PCM1: variants seen among roughly 807,000 people sequenced by gnomAD.
PCM1 encodes pericentriolar material 1, also known as pericentriolar material 1 protein.
PCM1 carries 157 observed loss-of-function variants against 241.9 expected under a neutral mutation model. The observed-to-expected ratio is 0.65, with a 90% CI of 0.57 to 0.74. The LOEUF (loss-of-function observed/expected upper bound fraction) is 0.74. Among genes scored for constraint, PCM1 ranks in the 30% least tolerant of loss-of-function variants. The pLI is 0.00. For synonymous variants in PCM1, 1,085 were observed against 784.9 expected (o/e 1.38, Z -6.39); for missense variants, 3,478 against 2,360.1 (o/e 1.47, Z -9.81).
In PCM1 at chr8:17,984,373, A is replaced by G. The variant is rs147267171; in HGVS notation, c.4109-1074A>G. 1.3e-3 allele frequency among the ~76,000 whole-genome samples: 199 copies of G among 152,104 alleles called. 1 individual carries two copies. Among genetic ancestry groups the G allele is most frequent in the African/African-American group, 4.6e-3 (190 of 41,558 alleles). ...ATAATTTTGGTTCCTGCTTATTATA[A>G]TAAGTGTCATTTTTGTGATAGTTCA... On this transcript the variant is annotated intron_variant, in intron 24 of 38. Coordinates refer to ENST00000325083, the MANE Select transcript of PCM1 (RefSeq NM_006197.4).
At chr8:17,990,032 G>C in intron 27 of PCM1, 53 bp downstream of exon 27, 1 of 1,407,684 alleles carries the variant, frequency 7.1e-7, no homozygotes, top group South Asian at 1.6e-5. Context: ...ATCTGGTCCA[G>C]TCTTTGAATT....
chr8:17,963,072 A>G, intron 16 of PCM1, 29 bp from the exon 17 acceptor site: 3 of 1,530,302 alleles, frequency 2.0e-6, no homozygotes, highest in Non-Finnish European at 2.7e-6. Flanking sequence ...CCAAATATTT[A>G]TTTAACTCTG....
At chr8:17,952,675 T>C (rs935367258) in intron 8 of PCM1, among the ~76,000 whole-genome samples, 2 of 151,694 alleles carry the variant, frequency 1.3e-5, no homozygotes, top group Non-Finnish European at 2.9e-5. Context: ...GTGTAGATTA[T>C]GTGCAGATAC....
At chr8:17,923,559 G>C (rs746499566) in intron 1 of PCM1, among the ~76,000 whole-genome samples, 1 of 152,144 alleles carries the variant, frequency 6.6e-6, no homozygotes, top group Non-Finnish European at 1.5e-5. Context: ...GGTGCTAGGG[G>C]CACTGGGTCG....
At chr8:18,003,498 C>T (rs949420606) in intron 29 of PCM1, among the ~76,000 whole-genome samples, 23 of 152,280 alleles carry the variant, frequency 1.5e-4, no homozygotes, top group African/African-American at 5.5e-4. Flanking sequence ...TTTCAGGAGC[C>T]AGCCCAAATG....
In PCM1 at chr8:18,027,657, A is replaced by C; in HGVS notation, c.6070A>C (p.Ile2024Leu). The change falls in exon 39 of 39, where the codon ATA (isoleucine) becomes CTA (leucine). Residue 2024 changes from isoleucine to leucine, a missense_variant. Coordinates refer to ENST00000325083, the MANE Select transcript of PCM1 (RefSeq NM_006197.4). ...KEPETVGAQS[I>L] ...TTCAGAAACGGTGGGAGCCCAGAGT[A>C]TATGAGATGTCTTCAGAGGCTCATC... 6.3e-7 allele frequency: 1 copy of C among 1,589,316 alleles called. No homozygotes were observed. The highest frequency in any genetic ancestry group is 8.6e-7 in the Non-Finnish European group (1 of 1,162,578).
At chr8:17,974,286 TA>T (rs2077880514) in intron 23 of PCM1, among the ~76,000 whole-genome samples, 1 of 152,222 alleles carries the variant, frequency 6.6e-6, no homozygotes, top group South Asian at 2.1e-4. Context: ...ACAGGGCCGT[TA>T]GGCAACTCAG....
intron 36 of PCM1, among the ~76,000 whole-genome samples, chr8:18,018,881 C>CAT (rs1230192867): frequency 2.6e-4 from 11 of 41,870 alleles, no homozygotes; most frequent in African/African-American, 9.3e-4. Context: ...TATATATATA[C>CAT]ACACACATAT....
At position 17,962,109 on chromosome 8, in the gene PCM1, C is replaced by T; in HGVS notation, c.2398C>T (p.Gln800Ter). 6.2e-7 allele frequency: 1 copy of T among 1,610,860 alleles called. No homozygotes were observed. Among genetic ancestry groups the T allele is most frequent in the Non-Finnish European group, 8.5e-7 (1 of 1,178,030 alleles). The change falls in exon 16 of 39, where the codon CAA (glutamine) becomes TAA (stop). Residue 800 changes from glutamine (Q) to a stop codon, truncating the protein, a stop_gained. Coordinates refer to ENST00000325083, the MANE Select transcript of PCM1 (RefSeq NM_006197.4). LOFTEE classifies it high-confidence loss of function. Reference sequence around the variant, plus strand: ...TGTTACTTCAACCCCAACTGTTAATCAACACGAGACCAGTACAAGCAAATC... The same window carrying T: ...TGTTACTTCAACCCCAACTGTTAATTAACACGAGACCAGTACAAGCAAATC... Reference protein sequence around the residue: ...PAVTSTPTVNQHETSTSKSVF... With the variant: ...PAVTSTPTVN
In PCM1 at chr8:18,024,254, T is replaced by C. The variant is rs546069344; in HGVS notation, c.5842-1107T>C. ...GAGAGTGCAGGCCTGTGGTCCTAGC[T>C]ACTCAGGAGGCTGAGGCGGGAGGAT... On this transcript the variant is annotated intron_variant, in intron 36 of 38. Coordinates refer to ENST00000325083, the MANE Select transcript of PCM1 (RefSeq NM_006197.4). Among the ~76,000 whole-genome samples the C allele has an allele frequency of 2.6e-5, 4 of 152,298 alleles. No homozygotes were observed. In the South Asian group the frequency reaches 8.3e-4, roughly 32 times the overall value.
At chr8:18,017,296 C>T (rs1420705009) in intron 36 of PCM1, among the ~76,000 whole-genome samples, 8 of 152,104 alleles carry the variant, frequency 5.3e-5, no homozygotes, top group South Asian at 2.1e-4. Flanking sequence ...GTATTTCCTG[C>T]GGGAACTGAA....
intron 33 of PCM1, 141 bp from the exon 34 acceptor site, chr8:18,011,526 T>C (rs2092507213): frequency 1.9e-6 from 2 of 1,075,300 alleles, no homozygotes; most frequent in Admixed American, 6.2e-5. Flanking sequence ...CTTTCTGCAC[T>C]GTAAGTTTTT....
At chr8:17,941,163 T>G (rs763615382) in intron 6 of PCM1, among the ~76,000 whole-genome samples, 3 of 152,200 alleles carry the variant, frequency 2.0e-5, no homozygotes, top group Non-Finnish European at 2.9e-5. Context: ...GGGAAATTCT[T>G]TTTCTATTTA....
intron 13 of PCM1, among the ~76,000 whole-genome samples, chr8:17,958,419 T>C (rs1466096476): frequency 1.3e-5 from 2 of 152,180 alleles, no homozygotes; most frequent in African/African-American, 4.8e-5. Flanking sequence ...CAATTAACTA[T>C]AATGTACAAT....
Position 17,935,584 on chromosome 8 carries a change from C to A in PCM1, c.-22-5C>A. ...ATAAAGCTCAGTTCTTAACTTGTTT[C>A]GCAGAGAGTTAATTGTTAAATCCAG... is the stretch of plus-strand genomic sequence containing the variant. On this transcript the variant is annotated splice_region_variant and splice_polypyrimidine_tract_variant and intron_variant, in intron 2 of 38. Transcript: ENST00000325083. The A allele has an allele frequency of 5.1e-6, 5 of 980,368 alleles. No individual in the cohort carries two copies. The highest frequency in any genetic ancestry group is 8.2e-6 in the Non-Finnish European group (5 of 607,852). The allele number at this position is 980,368 out of a possible 1,614,324, so 60.7% of individuals were successfully genotyped here.
chr8:17,941,915 T>A (rs992479897), intron 6 of PCM1, among the ~76,000 whole-genome samples: 1 of 152,220 alleles, frequency 6.6e-6, no homozygotes, highest in African/African-American at 2.4e-5. Context: ...TATTTGCTTT[T>A]CTGTTGTTGC....
At chr8:17,944,338 C>T (rs140698983) in intron 6 of PCM1, among the ~76,000 whole-genome samples, 352 of 152,228 alleles carry the variant, frequency 2.3e-3, no homozygotes, top group African/African-American at 8.1e-3. Context: ...TAAGTCACAA[C>T]TTTATCTTCT....
intron 2 of PCM1, among the ~76,000 whole-genome samples, chr8:17,932,440 A>C (rs2059315291): frequency 1.3e-5 from 2 of 152,248 alleles, no homozygotes; most frequent in South Asian, 2.1e-4. Flanking sequence ...CATTAGGATT[A>C]GATAATATGT....
At chr8:17,937,635 T>C (rs1384658756) in intron 4 of PCM1, among the ~76,000 whole-genome samples, 1 of 152,046 alleles carries the variant, frequency 6.6e-6, no homozygotes, top group Non-Finnish European at 1.5e-5. Flanking sequence ...CAAGTGATTT[T>C]ACTATACAAC....
Sources: allele counts gnomAD v4.1 joint callset (sites outside exome capture counted in the v4.1 genomes callset), GRCh38; gene constraint gnomAD v4.1.1; transcripts MANE v1.5; gene names NCBI Gene and HGNC (gene_info 2026-07-23, HGNC 2026-07-21).